DOCK8: variants seen among roughly 807,000 people sequenced by gnomAD.
The protein encoded by DOCK8 is dedicator of cytokinesis protein 8.
A neutral mutation model predicts 245.6 loss-of-function variants in DOCK8; 141 were observed. The observed-to-expected ratio is 0.57, with a 90% CI of 0.50 to 0.66. DOCK8 has a LOEUF of 0.66. Ranked by LOEUF, DOCK8 falls within the 30% of genes least tolerant of loss-of-function variation. DOCK8 has a pLI of 0.00. For missense variants in DOCK8, 2,965 were observed against 2,603.4 expected (o/e 1.14, Z -3.02); for synonymous variants, 1,168 against 970.2 (o/e 1.20, Z -3.79).
At chr9:301,094 C>T (rs1311696396) in intron 4 of DOCK8, among the ~76,000 whole-genome samples, 1 of 152,148 alleles carries the variant, frequency 6.6e-6, no homozygotes, top group Non-Finnish European at 1.5e-5. Flanking sequence ...AAATCCTCAA[C>T]AAAATACTAC....
chr9:365,810 A>G (rs1159027953), intron 14 of DOCK8: 1 of 375,860 alleles, frequency 2.7e-6, no homozygotes, highest in East Asian at 7.2e-5. Flanking sequence ...GGCAGTGGAG[A>G]TGAACAGAAG....
rs183542894 is a variant in DOCK8 at position 360,548 on chromosome 9, A to G, written c.1680-7470A>G. 1.1e-3 allele frequency among the ~76,000 whole-genome samples: 175 copies of G among 152,348 alleles called. 2 individuals carry two copies. Among genetic ancestry groups the G allele is most frequent in the Middle Eastern group, 3.4e-3 (1 of 294 alleles). On this transcript the variant is annotated intron_variant, in intron 14 of 47. Transcript: ENST00000432829. ...AGGAAAAAATTTTTGCCTTCAGGTT[A>G]AACTCAGAAGAGTTGCCATTGGCTA...
At chr9:214,363 T>G, upstream of DOCK8, 7 of 702,932 alleles carry the variant, frequency 1.0e-5, no homozygotes, top group Non-Finnish European at 1.4e-5. Flanking sequence ...GATGAATCCA[T>G]TATATTTATT....
chr9:379,403 C>A lies in DOCK8; in HGVS notation c.2441-368C>A, dbSNP rs547280098. On this transcript the variant is annotated intron_variant, in intron 20 of 47. Transcript: ENST00000432829. ...GATTAATACACTCTCTGGGGTGGGG[C>A]CTGAGATTCTGCATTTCTTAGTAGC... Among the ~76,000 whole-genome samples, 10 of 152,194 alleles carry A rather than the reference C, an allele frequency of 6.6e-5. 1 individual carries two copies. The East Asian group carries it at 1.9e-3, about 29-fold the overall frequency.
intron 1 of DOCK8, among the ~76,000 whole-genome samples, chr9:262,387 T>C (rs1377462269): frequency 6.6e-6 from 1 of 150,772 alleles, no homozygotes; most frequent in Non-Finnish European, 1.5e-5. Flanking sequence ...TTACAGCAAC[T>C]TTATTTGTAA....
At position 463,665 on chromosome 9, in the gene DOCK8, T is replaced by G; in HGVS notation, c.6217T>G (p.Phe2073Val). 2 of 1,613,788 alleles carry G rather than the reference T, an allele frequency of 1.2e-6. No individual in the cohort carries two copies. The highest frequency in any genetic ancestry group is 1.7e-6 in the Non-Finnish European group (2 of 1,180,026). ...AATTCCAGAACTGTACAAGCCAATA[T>G]TCAGAGTTGAGAGTCAAAAGAGGTA... ...RKIPELYKPI[F>V]RVESQKRDSF... The change falls in exon 47 of 48, where the codon TTC (phenylalanine) becomes GTC (valine). Residue 2073 changes from phenylalanine to valine, a missense_variant. Transcript: ENST00000432829.
In DOCK8 at chr9:365,608, C is replaced by T. The variant is rs1193930403; in HGVS notation, c.1680-2410C>T. ...TTTTTCAGAGAAGTCTTCCAGGTTT[C>T]AGCTGTTGCTCATTAATGCTCACCA... On this transcript the variant is annotated intron_variant, in intron 14 of 47. Transcript: ENST00000432829. The T allele has an allele frequency of 6.6e-6, 3 of 452,424 alleles. No homozygotes were observed. The East Asian group carries it at 2.1e-4, about 32-fold the overall frequency. 28.0% of individuals were successfully genotyped at this position (452,424 alleles called of 1,614,324 possible).
chr9:315,758 C>G (rs2050316834), intron 6 of DOCK8, among the ~76,000 whole-genome samples: 1 of 152,156 alleles, frequency 6.6e-6, no homozygotes, highest in Non-Finnish European at 1.5e-5. Flanking sequence ...GCATTGCTCT[C>G]TCAACTTTTG....
rs2053555929 is a variant in DOCK8, at chr9:377,191, T to C, written c.2420T>C (p.Met807Thr). The change falls in exon 20 of 48, where the codon ATG becomes ACG. Residue 807 changes from methionine (M) to threonine (T), a missense_variant. Physicochemically the swap from Met to Thr is moderately conservative, Grantham distance 81 (BLOSUM62 -1). Coordinates refer to ENST00000432829, the MANE Select transcript of DOCK8 (RefSeq NM_203447.4). Reference protein sequence around the residue: ...DKLFQLSVQPMVIAGQTANFS... With the variant: ...DKLFQLSVQPTVIAGQTANFS... ...CTCTTCCAGCTGTCCGTGCAGCCCA[T>C]GGTCATCGCTGGCCAGACAGGTATG... The C allele has an allele frequency of 6.3e-7, 1 of 1,595,766 alleles. No individual in the cohort carries two copies. Among genetic ancestry groups the C allele is most frequent in the Non-Finnish European group, 8.5e-7 (1 of 1,176,800 alleles).
At chr9:307,338 GTTTTTTTTTTTTTTTTTTT>G (rs1165775428) in intron 5 of DOCK8, among the ~76,000 whole-genome samples, 13 of 51,244 alleles carry the variant, frequency 2.5e-4, no homozygotes, top group South Asian at 7.3e-4. Flanking sequence ...GGTTTTTTTT[GTTTTTTTTTTTTTTTTTTT>G]TTTTTTTTTT....
At chr9:253,881 A>G (rs548661915) in intron 1 of DOCK8, among the ~76,000 whole-genome samples, 9 of 152,354 alleles carry the variant, frequency 5.9e-5, no homozygotes, top group South Asian at 4.1e-4. Flanking sequence ...ACCCCCAGGG[A>G]TCGTAACCAC....
At chr9:289,401 T>C (rs780618675) in intron 3 of DOCK8, 109 bp from the exon 4 acceptor site, 43 of 854,480 alleles carry the variant, frequency 5.0e-5, no homozygotes, top group Non-Finnish European at 8.3e-5. Flanking sequence ...TCCTAAGCAT[T>C]CTCACTGATA....
At chr9:407,977 C>T (rs933027275) in intron 28 of DOCK8, among the ~76,000 whole-genome samples, 1 of 152,168 alleles carries the variant, frequency 6.6e-6, no homozygotes, top group African/African-American at 2.4e-5. Flanking sequence ...CCCACTATTC[C>T]ATAACAGAGA....
intron 42 of DOCK8, among the ~76,000 whole-genome samples, chr9:442,503 T>C (rs2057124172): frequency 6.6e-6 from 1 of 152,190 alleles, no homozygotes; most frequent in South Asian, 2.1e-4. Flanking sequence ...GCTACTCAGC[T>C]GTGGCCAGCC....
chr9:272,068 G>A (rs1039434718), intron 2 of DOCK8, among the ~76,000 whole-genome samples: 1 of 151,956 alleles, frequency 6.6e-6, no homozygotes, highest in Non-Finnish European at 1.5e-5. Context: ...GCATTTTTTT[G>A]GAAAAGCATA....
intron 5 of DOCK8, among the ~76,000 whole-genome samples, chr9:305,234 A>C (rs957164148): frequency 6.6e-6 from 1 of 152,208 alleles, no homozygotes; most frequent in Non-Finnish European, 1.5e-5. Flanking sequence ...AAGTACACTT[A>C]GTGCCTAGTC....
intron 8 of DOCK8, 67 bp downstream of exon 8, chr9:325,804 T>A: frequency 7.3e-7 from 1 of 1,364,728 alleles, no homozygotes; most frequent in Non-Finnish European, 1.0e-6. Flanking sequence ...GCATGTATGT[T>A]TTTAAATTTC....
rs1165546250 is a variant in DOCK8, at chr9:430,297, C to T, written c.4626+443C>T. Among the ~76,000 whole-genome samples the T allele has an allele frequency of 3.3e-5, 5 of 152,128 alleles. No homozygotes were observed. The East Asian group carries it at 7.7e-4, about 23-fold the overall frequency. On this transcript the variant is annotated intron_variant, in intron 36 of 47. Transcript: ENST00000432829. ...GCTGAGGCAGGAGAATTGCTTGAAC[C>T]TGGGAGGCAGATATTGCAGTGAGCC...
At chr9:296,561 T>C (rs988409533) in intron 4 of DOCK8, among the ~76,000 whole-genome samples, 3 of 152,158 alleles carry the variant, frequency 2.0e-5, no homozygotes, top group African/African-American at 7.2e-5. Context: ...GTATCATCTG[T>C]TTTATTACTC....
Sources: gnomAD v4.1 joint callset for allele counts (sites outside exome capture counted in the v4.1 genomes callset) on GRCh38, gnomAD v4.1.1 for gene constraint, MANE v1.5 for transcripts, NCBI Gene and HGNC (gene_info 2026-07-23, HGNC 2026-07-21) for gene names.